Variants in TMEM132C observed in about 807,000 individuals in gnomAD.
TMEM132C encodes the protein protein phosphatase 1, regulatory subunit 152.
A neutral mutation model predicts 61.4 loss-of-function variants in TMEM132C; 29 were observed. The ratio of observed to expected loss-of-function variants is 0.47; its 90% CI spans 0.35 to 0.64. The LOEUF (loss-of-function observed/expected upper bound fraction) is 0.64. TMEM132C is among the 30% of genes least tolerant of loss of function. TMEM132C has a pLI of 0.00. For synonymous variants in TMEM132C, 656 were observed against 633.1 expected (o/e 1.04, Z -0.54); for missense variants, 1,408 against 1,476.9 (o/e 0.95, Z 0.76).
intron 1 of TMEM132C, among the ~76,000 whole-genome samples, chr12:128,396,533 G>GCACA (rs1391231202): frequency 6.6e-6 from 1 of 152,138 alleles, no homozygotes; most frequent in African/African-American, 2.4e-5. Flanking sequence ...TAACAAACCT[G>GCACA]CACATTCTGC....
intron 1 of TMEM132C, among the ~76,000 whole-genome samples, chr12:128,294,682 C>A (rs1460854963): frequency 6.6e-6 from 1 of 152,110 alleles, no homozygotes; most frequent in Non-Finnish European, 1.5e-5. Context: ...GGTTCATAGA[C>A]AGGGCTTCTC....
intron 2 of TMEM132C, among the ~76,000 whole-genome samples, chr12:128,453,883 A>G (rs1424577424): frequency 6.6e-6 from 1 of 152,222 alleles, no homozygotes; most frequent in Non-Finnish European, 1.5e-5. Context: ...AAGCCTCAAC[A>G]TCTCAACAAT....
intron 2 of TMEM132C, among the ~76,000 whole-genome samples, chr12:128,508,523 G>A (rs1054012096): frequency 6.6e-6 from 1 of 152,216 alleles, no homozygotes; most frequent in African/African-American, 2.4e-5. Flanking sequence ...GGCTCAGTGG[G>A]GTTTGCCTCC....
At chr12:128,422,662 T>C (rs1423193221) in intron 2 of TMEM132C, among the ~76,000 whole-genome samples, 2 of 152,192 alleles carry the variant, frequency 1.3e-5, no homozygotes, top group African/African-American at 4.8e-5. Context: ...AGAGAGATGC[T>C]TAGCATAGGG....
At chr12:128,351,807 A>G (rs139075882) in intron 1 of TMEM132C, among the ~76,000 whole-genome samples, 12 of 152,312 alleles carry the variant, frequency 7.9e-5, no homozygotes, top group African/African-American at 2.9e-4. Flanking sequence ...CCCACCTCCA[A>G]TACTGGGGAT....
chr12:128,692,986 G>A (rs1412029288), intron 5 of TMEM132C, among the ~76,000 whole-genome samples: 1 of 152,162 alleles, frequency 6.6e-6, no homozygotes, highest in East Asian at 1.9e-4. Context: ...AATGTGATCT[G>A]CCATTCACAT....
intron 7 of TMEM132C, 46 bp downstream of exon 7, chr12:128,696,149 C>T: frequency 6.5e-7 from 1 of 1,532,080 alleles, no homozygotes; most frequent in Non-Finnish European, 8.8e-7. Context: ...GGCATGTGTG[C>T]AGTGTTGAGG....
chr12:128,685,611 C>T (rs1350462557), intron 5 of TMEM132C, among the ~76,000 whole-genome samples: 2 of 152,150 alleles, frequency 1.3e-5, no homozygotes, highest in Non-Finnish European at 2.9e-5. Flanking sequence ...GCTGTCACTT[C>T]TGTTCATATT....
intron 1 of TMEM132C, among the ~76,000 whole-genome samples, chr12:128,335,191 C>T (rs1872762310): frequency 6.6e-6 from 1 of 152,156 alleles, no homozygotes; most frequent in African/African-American, 2.4e-5. Context: ...GATGATGCTG[C>T]TTGGTGAAAA....
intron 1 of TMEM132C, among the ~76,000 whole-genome samples, chr12:128,320,487 C>A (rs1477720389): frequency 6.6e-6 from 1 of 151,946 alleles, no homozygotes; most frequent in African/African-American, 2.4e-5. Flanking sequence ...TGAAGATGGC[C>A]AGGTGCAAGG....
chr12:128,336,542 G>A (rs1307888559), intron 1 of TMEM132C, among the ~76,000 whole-genome samples: 1 of 152,144 alleles, frequency 6.6e-6, no homozygotes, highest in African/African-American at 2.4e-5. Flanking sequence ...TATTTTATAA[G>A]TTAAATATCA....
At chr12:128,380,982 C>T (rs573262605) in intron 1 of TMEM132C, among the ~76,000 whole-genome samples, 155 of 152,292 alleles carry the variant, frequency 1.0e-3, no homozygotes, top group African/African-American at 3.6e-3. Context: ...AAGCACAGTG[C>T]CGCCTTCTTG....
At chr12:128,660,791 G>A (rs1202348627) in intron 4 of TMEM132C, among the ~76,000 whole-genome samples, 1 of 152,102 alleles carries the variant, frequency 6.6e-6, no homozygotes, top group Non-Finnish European at 1.5e-5. Flanking sequence ...CCGTGAGCCA[G>A]GCACGGTAAT....
chr12:128,535,137 GCCT>G (rs1210716037), intron 2 of TMEM132C, among the ~76,000 whole-genome samples: 2 of 152,156 alleles, frequency 1.3e-5, no homozygotes, highest in Non-Finnish European at 2.9e-5. Flanking sequence ...GCACGTCCTG[GCCT>G]CCTGGTGTTC....
chr12:128,647,919 C>A (rs1954224427), intron 4 of TMEM132C, among the ~76,000 whole-genome samples: 1 of 146,602 alleles, frequency 6.8e-6, no homozygotes, highest in Non-Finnish European at 1.5e-5. Flanking sequence ...TTAGCTCAGT[C>A]CATCAGCATT....
At position 128,415,588 on chromosome 12, in the gene TMEM132C, G is replaced by C. The variant is rs1236101039; in HGVS notation, c.942G>C (p.Ser314=). 3.2e-6 allele frequency: 5 copies of C among 1,545,796 alleles called. No individual in the cohort carries two copies. The African/African-American group carries it at 5.5e-5, about 17-fold the overall frequency. Residue 314 remains serine, a synonymous_variant, in exon 2 of 9, where the codon TCG becomes TCC. Coordinates refer to ENST00000435159, the MANE Select transcript of TMEM132C (RefSeq NM_001136103.3). This position sits in a 1 kb window ranked among gnomAD's most constrained non-coding sequence, Gnocchi z 5.8. ...GEVVTAYVTI[S]SNSSVDLFIL... is the part of the protein sequence containing the mutation. ...TGGTCACGGCCTATGTCACCATCTC[G>C]AGCAATTCCTCTGTGGACCTCTTCA...
chr12:128,273,126 G>T (rs1175788408), intron 1 of TMEM132C, among the ~76,000 whole-genome samples: 1 of 152,070 alleles, frequency 6.6e-6, no homozygotes, highest in African/African-American at 2.4e-5. Context: ...TGATCTGTTT[G>T]TTCTGTCACT....
At chr12:128,582,622 G>A (rs1040465816) in intron 3 of TMEM132C, among the ~76,000 whole-genome samples, 1 of 152,060 alleles carries the variant, frequency 6.6e-6, no homozygotes, top group African/African-American at 2.4e-5. Context: ...AAGATCTGAT[G>A]GGTTTATCAG....
chr12:128,427,428 G>GTGTGTA (rs1359402190), intron 2 of TMEM132C, among the ~76,000 whole-genome samples: 17,201 of 127,642 alleles, frequency 0.13, 1,196 homozygotes, highest in South Asian at 0.19. Context: ...GTGTGTGTGT[G>GTGTGTA]TATATATATT....
Sources: allele counts gnomAD v4.1 joint callset (sites outside exome capture counted in the v4.1 genomes callset), GRCh38; gene constraint gnomAD v4.1.1; non-coding constraint Gnocchi (gnomAD v3.1); transcripts MANE v1.5; gene names NCBI Gene and HGNC (gene_info 2026-07-23, HGNC 2026-07-21).